The following TTC3 variants were observed in gnomAD, a reference collection of about 807,000 sequenced individuals.
TTC3 encodes the protein E3 ubiquitin-protein ligase TTC3.
TTC3 carries 180 observed loss-of-function variants against 249.6 expected under a neutral mutation model. The ratio of observed to expected loss-of-function variants is 0.72; its 90% CI spans 0.64 to 0.82. The LOEUF is 0.82. TTC3 is among the 40% of genes least tolerant of loss of function. The probability of loss-of-function intolerance (pLI) is 0.00; values close to 1 mark genes in which losing one functional copy is unlikely to be tolerated. For missense variants in TTC3, 2,061 were observed against 2,398.4 expected (o/e 0.86, Z 2.94); for synonymous variants, 717 against 805.0 (o/e 0.89, Z 1.85).
intron 28 of TTC3, chr21:37,157,291 A>C: frequency 2.6e-5 from 22 of 860,428 alleles, no homozygotes; most frequent in Admixed American, 5.0e-5. Context: ...TCTAGAATGG[A>C]TAGCATTCTA....
At chr21:37,087,758 A>G in intron 2 of TTC3, 75 bp from the exon 3 acceptor site, 2 of 1,170,126 alleles carry the variant, frequency 1.7e-6, no homozygotes, top group African/African-American at 3.1e-5. Context: ...TTCTTTGGTT[A>G]GTTCTGATAA....
At chr21:37,090,694 CCA>C (rs1568879370) in intron 6 of TTC3, 1 of 224,442 alleles carries the variant, frequency 4.5e-6, no homozygotes, top group Non-Finnish European at 7.4e-6. Flanking sequence ...TACCTTAAGC[CCA>C]TTGTTAACTT....
In TTC3 at chr21:37,159,695, A is replaced by G. The variant is rs143450481; in HGVS notation, c.2993-4A>G. On this transcript the variant is annotated splice_polypyrimidine_tract_variant and splice_region_variant and intron_variant, in intron 28 of 45. Coordinates refer to ENST00000355666, the Ensembl canonical transcript of TTC3. ...CTCACAAAACCATCTGTATATTCCT[A>G]CAGACAGCCGCTGTACTGTGTTAAG... 377 of 1,613,456 alleles carry G rather than the reference A, an allele frequency of 2.3e-4. 2 individuals carry two copies. The East Asian group carries it at 7.9e-3, about 34-fold the overall frequency.
At chr21:37,113,837 A>G (rs1052004873) in intron 11 of TTC3, among the ~76,000 whole-genome samples, 6 of 152,148 alleles carry the variant, frequency 3.9e-5, no homozygotes, top group African/African-American at 1.2e-4. Context: ...TACCAAAACA[A>G]AGATATAGAC....
chr21:37,097,778 T>G (rs971237009), intron 10 of TTC3: 2 of 529,208 alleles, frequency 3.8e-6, no homozygotes, highest in Non-Finnish European at 6.8e-6. Flanking sequence ...AGTTTTCTCA[T>G]GAAAGCTGAG....
In TTC3 at chr21:37,087,343, C is replaced by G. The variant is rs1318113351; in HGVS notation, c.86C>G (p.Ala29Gly). 7 of 1,614,022 alleles carry G rather than the reference C, an allele frequency of 4.3e-6. No homozygotes were observed. The South Asian group carries it at 6.6e-5, about 15-fold the overall frequency. ...CCTCACGTGGATGATTGTGTCTTTG[C>G]TGCTGAATTTATGAGCAATGATTAT... Residue 29 changes from alanine to glycine, a missense_variant, in exon 2 of 46, where the codon GCT (alanine) becomes GGT (glycine). Ala to Gly is a moderately conservative substitution (Grantham distance 60, BLOSUM62 0). Coordinates refer to ENST00000355666, the Ensembl canonical transcript of TTC3.
chr21:37,132,622 C>A, intron 16 of TTC3, 60 bp from the exon 17 acceptor site: 1 of 1,392,446 alleles, frequency 7.2e-7, no homozygotes, highest in East Asian at 2.6e-5. Flanking sequence ...CCTATTTTTT[C>A]TTTATATGAG....
At chr21:37,169,873 C>A (rs1783040) in intron 34 of TTC3, among the ~76,000 whole-genome samples, 151,553 of 151,556 alleles carry the variant, frequency 1, 75,775 homozygotes, top group Non-Finnish European at 1. Context: ...AAAAACAAAA[C>A]CGAAGATGGC....
chr21:37,109,520 G>A (rs374100683), intron 11 of TTC3, among the ~76,000 whole-genome samples: 1,715 of 152,294 alleles, frequency 0.011, 18 homozygotes, highest in East Asian at 0.03. Flanking sequence ...GAGGAGGGGC[G>A]CCTGCCATTG....
intron 35 of TTC3, 75 bp from the exon 36 acceptor site, chr21:37,182,699 A>G (rs2082869850): frequency 7.2e-7 from 1 of 1,397,238 alleles, no homozygotes; most frequent in South Asian, 1.4e-5. Context: ...GCACCGTCAC[A>G]ATTCTAGCCT....
At chr21:37,136,259 A>G (rs1184092554) in intron 18 of TTC3, among the ~76,000 whole-genome samples, 1 of 152,218 alleles carries the variant, frequency 6.6e-6, no homozygotes, top group African/African-American at 2.4e-5. Context: ...CACGTCTCTC[A>G]CTTTAAATAA....
intron 10 of TTC3, among the ~76,000 whole-genome samples, chr21:37,107,498 G>C (rs1432881390): frequency 8.5e-5 from 13 of 152,132 alleles, no homozygotes; most frequent in African/African-American, 3.1e-4. Context: ...GTTAGTTCTT[G>C]ATAGGTTATG....
chr21:37,129,438 GA>G (rs2077294791), intron 16 of TTC3, among the ~76,000 whole-genome samples: 1 of 152,120 alleles, frequency 6.6e-6, no homozygotes, highest in East Asian at 1.9e-4. Flanking sequence ...CCTCCTCCAG[GA>G]ATACACTGTT....
exon 3 of TTC3, chr21:37,087,851 T>C: frequency 1.3e-6 from 2 of 1,597,624 alleles, no homozygotes; most frequent in Non-Finnish European, 8.5e-7. Context: ...ATATAAAGAT[T>C]ATATCCAAAG....
chr21:37,117,789 G>A (rs566004910), intron 11 of TTC3, among the ~76,000 whole-genome samples: 1 of 140,784 alleles, frequency 7.1e-6, no homozygotes, highest in East Asian at 2.1e-4. Flanking sequence ...ATAATCACCT[G>A]AGCCCAGGAA....
intron 41 of TTC3, among the ~76,000 whole-genome samples, chr21:37,192,608 G>C (rs201486478): frequency 6.6e-6 from 1 of 151,698 alleles, no homozygotes; most frequent in Non-Finnish European, 1.5e-5. Flanking sequence ...CAAGCAGGCC[G>C]CTATCACCAC....
intron 38 of TTC3, 148 bp downstream of exon 38, chr21:37,187,293 C>T (rs768530746): frequency 3.0e-5 from 18 of 607,920 alleles, no homozygotes; most frequent in Admixed American, 1.2e-4. Context: ...CCTAAAACGA[C>T]CACTCTTTTT....
At chr21:37,080,385 C>T (rs1416553292) in intron 1 of TTC3, among the ~76,000 whole-genome samples, 14 of 146,798 alleles carry the variant, frequency 9.5e-5, no homozygotes, top group African/African-American at 3.3e-4. Context: ...TTTTTTTGCC[C>T]TTGCTTTATG....
chr21:37,096,348 T>G (rs1314749628), intron 9 of TTC3, among the ~76,000 whole-genome samples: 1 of 152,184 alleles, frequency 6.6e-6, no homozygotes, highest in African/African-American at 2.4e-5. Flanking sequence ...GCAACTAGAG[T>G]TATCTTCATT....
Sources: allele counts gnomAD v4.1 joint callset (sites outside exome capture counted in the v4.1 genomes callset), GRCh38; gene constraint gnomAD v4.1.1; transcripts MANE v1.5; gene names NCBI Gene and HGNC (gene_info 2026-07-23, HGNC 2026-07-21).